Variants in SH3RF3 observed in about 807,000 individuals in gnomAD.
The protein encoded by SH3RF3 is SH3 domain containing ring finger 3, also known as E3 ubiquitin-protein ligase SH3RF3.
SH3RF3 carries 29 observed loss-of-function variants against 66.3 expected under a neutral mutation model. The observed-to-expected ratio is 0.44, with a 90% CI of 0.33 to 0.60. The LOEUF (loss-of-function observed/expected upper bound fraction) is 0.60, where lower values mean the gene tolerates loss of function less well. Among genes scored for constraint, SH3RF3 ranks in the 20% least tolerant of loss-of-function variants. The pLI is 0.04. For synonymous variants in SH3RF3, 583 were observed against 532.0 expected (o/e 1.10, Z -1.32); for missense variants, 1,194 against 1,190.9 (o/e 1.00, Z -0.04).
chr2:109,486,286 G>A (rs899854012), intron 8 of SH3RF3, among the ~76,000 whole-genome samples: 16 of 152,066 alleles, frequency 1.1e-4, no homozygotes, highest in Admixed American at 3.3e-4. Context: ...AAAATCTTTG[G>A]GGGTGGGGCC....
At chr2:109,133,694 C>G (rs535082092) in intron 1 of SH3RF3, among the ~76,000 whole-genome samples, 2 of 150,356 alleles carry the variant, frequency 1.3e-5, no homozygotes, top group Non-Finnish European at 1.5e-5. Flanking sequence ...GTCTTTCATA[C>G]ATGGTCATCT....
At chr2:109,475,837 G>A (rs916955771) in intron 8 of SH3RF3, among the ~76,000 whole-genome samples, 5 of 152,186 alleles carry the variant, frequency 3.3e-5, no homozygotes, top group African/African-American at 1.2e-4. Context: ...GGGCCTGGCT[G>A]CCTCTACCTT....
chr2:109,197,255 T>C (rs1218908975), intron 1 of SH3RF3, among the ~76,000 whole-genome samples: 2 of 152,052 alleles, frequency 1.3e-5, no homozygotes, highest in Non-Finnish European at 2.9e-5. Flanking sequence ...GCCAGGGTAA[T>C]TCGTTGGTCG....
At chr2:109,161,625 C>A (rs191990294) in intron 1 of SH3RF3, among the ~76,000 whole-genome samples, 1 of 152,022 alleles carries the variant, frequency 6.6e-6, no homozygotes, top group African/African-American at 2.4e-5. Flanking sequence ...GACTGGGCAA[C>A]TGGCAAGGGT....
intron 1 of SH3RF3, among the ~76,000 whole-genome samples, chr2:109,271,469 C>G (rs992649109): frequency 1.3e-5 from 2 of 152,242 alleles, no homozygotes; most frequent in African/African-American, 4.8e-5. Flanking sequence ...TATTGCTGTT[C>G]ACTTTCCCGT....
chr2:109,447,371 C>T (rs541100194), intron 7 of SH3RF3, among the ~76,000 whole-genome samples: 1 of 152,214 alleles, frequency 6.6e-6, no homozygotes, highest in East Asian at 1.9e-4. Flanking sequence ...CACGGTGCTA[C>T]TTCCCGTGGC....
At chr2:109,294,131 T>G (rs752309000) in intron 1 of SH3RF3, among the ~76,000 whole-genome samples, 1 of 152,184 alleles carries the variant, frequency 6.6e-6, no homozygotes, top group Non-Finnish European at 1.5e-5. Flanking sequence ...GGCCCCTCCA[T>G]GTAATCAGTT....
chr2:109,340,384 C>T (rs1489180872), intron 1 of SH3RF3, among the ~76,000 whole-genome samples: 1 of 152,136 alleles, frequency 6.6e-6, no homozygotes, highest in East Asian at 1.9e-4. Context: ...GATGAGAGCC[C>T]CAGTACTGCT....
At chr2:109,409,726 C>T (rs1427747688) in intron 4 of SH3RF3, among the ~76,000 whole-genome samples, 1 of 151,986 alleles carries the variant, frequency 6.6e-6, no homozygotes, top group African/African-American at 2.4e-5. Flanking sequence ...CACGCGGGGC[C>T]TCTGGCTACA....
At chr2:109,219,115 CTTTGTG>C (rs1679168208) in intron 1 of SH3RF3, among the ~76,000 whole-genome samples, 1 of 152,174 alleles carries the variant, frequency 6.6e-6, no homozygotes, top group Admixed American at 6.5e-5. Context: ...ACATGACTGG[CTTTGTG>C]GAGTTCCACC....
chr2:109,406,457 G>C (rs1676455906), intron 4 of SH3RF3, among the ~76,000 whole-genome samples: 1 of 152,084 alleles, frequency 6.6e-6, no homozygotes, highest in Admixed American at 6.5e-5. Context: ...GTTCTCGGAG[G>C]CACCAAGCTG....
intron 1 of SH3RF3, among the ~76,000 whole-genome samples, chr2:109,297,422 C>T (rs570819084): frequency 6.6e-6 from 1 of 152,252 alleles, no homozygotes; most frequent in East Asian, 1.9e-4. Flanking sequence ...CTGCAAGAGG[C>T]CTGTGTACCC....
chr2:109,262,415 G>A (rs918233444), intron 1 of SH3RF3, among the ~76,000 whole-genome samples: 2 of 152,132 alleles, frequency 1.3e-5, no homozygotes, highest in African/African-American at 4.8e-5. Context: ...CTCTGCTTTC[G>A]ATGCCCTGGG....
At chr2:109,488,459 C>A (rs538758036) in intron 8 of SH3RF3, among the ~76,000 whole-genome samples, 2 of 152,220 alleles carry the variant, frequency 1.3e-5, no homozygotes, top group Non-Finnish European at 2.9e-5. Context: ...TCCTGGCCTG[C>A]GGAGGGGCTG....
chr2:109,447,147 TAAAAAAAAAAAAA>T lies in SH3RF3; in HGVS notation c.1829-2014_1829-2002del, dbSNP rs61240132. ...CAACCCAGCTGAAGCCCTGAATATT[TAAAAAAAAAAAAA>T]AAAAAAAAGAAAAGAAAAAGAAAAA... On this transcript the variant is annotated intron_variant, in intron 7 of 9. Transcript: ENST00000309415. Among the ~76,000 whole-genome samples the T allele has an allele frequency of 8.6e-3, 714 of 82,724 alleles. 2 individuals are homozygous for T. Among genetic ancestry groups the T allele is most frequent in the Non-Finnish European group, 0.014 (501 of 37,108 alleles). 54.3% of individuals were successfully genotyped at this position (82,724 alleles called of 152,430 possible).
At chr2:109,132,187 A>G (rs999082546) in intron 1 of SH3RF3, among the ~76,000 whole-genome samples, 11 of 152,198 alleles carry the variant, frequency 7.2e-5, no homozygotes, top group African/African-American at 2.7e-4. Flanking sequence ...AACCATAAAT[A>G]TTACAGTCCC....
At position 109,129,810 on chromosome 2, in the gene SH3RF3, C is replaced by G. The variant is rs565912747; in HGVS notation, c.270C>G (p.His90Gln). The G allele has an allele frequency of 1.2e-5, 19 of 1,538,186 alleles. No homozygotes were observed. The East Asian group carries it at 4.4e-4, about 36-fold the overall frequency. The change falls in exon 1 of 10, where the codon CAC becomes CAG. Residue 90 changes from histidine (H) to glutamine (Q), a missense_variant. Transcript: ENST00000309415. ...RCLESIVCSR[H>Q]ELRCPECRIL... ...TGGAGAGCATCGTGTGCTCGCGCCA[C>G]GAGCTGCGCTGCCCCGAGTGCCGCA...
At chr2:109,498,871 G>A (rs1679319949) in intron 9 of SH3RF3, among the ~76,000 whole-genome samples, 2 of 152,310 alleles carry the variant, frequency 1.3e-5, no homozygotes, top group Admixed American at 6.5e-5. Context: ...ACAGGGAAGG[G>A]CGTTCTGGGC....
At chr2:109,188,136 A>G (rs1406857005) in intron 1 of SH3RF3, among the ~76,000 whole-genome samples, 1 of 152,246 alleles carries the variant, frequency 6.6e-6, no homozygotes, top group Non-Finnish European at 1.5e-5. Flanking sequence ...CATGGGAAAC[A>G]AAATATGACT....
Sources: allele counts gnomAD v4.1 joint callset (sites outside exome capture counted in the v4.1 genomes callset), GRCh38; gene constraint gnomAD v4.1.1; transcripts MANE v1.5; gene names NCBI Gene and HGNC (gene_info 2026-07-23, HGNC 2026-07-21).